Variants in KCNIP4 observed in about 807,000 individuals in gnomAD.
KCNIP4 encodes the protein potassium voltage-gated channel interacting protein 4.
Under a neutral mutation model 34.0 loss-of-function variants are expected in KCNIP4, and 12 were observed. The observed-to-expected ratio is 0.35, with a 90% confidence interval of 0.23 to 0.57. The LOEUF is 0.57. Ranked by LOEUF, KCNIP4 falls within the 20% of genes least tolerant of loss-of-function variation. The pLI is 0.83. For synonymous variants in KCNIP4, 124 were observed against 102.2 expected (o/e 1.21, Z -1.29); for missense variants, 238 against 311.7 (o/e 0.76, Z 1.78).
chr4:21,416,870 G>A (rs1724992773), intron 1 of KCNIP4, among the ~76,000 whole-genome samples: 2 of 152,168 alleles, frequency 1.3e-5, no homozygotes, highest in South Asian at 4.1e-4. Context: ...ACAGAAGACA[G>A]AATCACATGC....
At chr4:20,926,109 T>A (rs187775586) in intron 1 of KCNIP4, among the ~76,000 whole-genome samples, 8 of 152,294 alleles carry the variant, frequency 5.3e-5, no homozygotes, top group Admixed American at 5.2e-4. Flanking sequence ...ATTACCCTTA[T>A]CAGACAGCAA....
rs370076350 is a variant in KCNIP4, at chr4:21,689,787, C to T, written c.61+258784G>A. The stretch of plus-strand genomic sequence containing the variant: ...AAACCTTGGCACAGTACTTCTATGC[C>T]CACCCTGGCCACTGATTCAGTCCTA... On this transcript the variant is annotated intron_variant, in intron 1 of 8. Coordinates refer to ENST00000382152, the MANE Select transcript of KCNIP4 (RefSeq NM_025221.6). 2.3e-3 allele frequency among the ~76,000 whole-genome samples: 344 copies of T among 152,090 alleles called. 21 individuals are homozygous for T. The South Asian group carries it at 0.061, about 27-fold the overall frequency.
At chr4:21,455,549 T>C (rs919055149) in intron 1 of KCNIP4, among the ~76,000 whole-genome samples, 1 of 151,260 alleles carries the variant, frequency 6.6e-6, no homozygotes, top group East Asian at 2.0e-4. Flanking sequence ...GATAAATAGA[T>C]AGATATGTAG....
chr4:21,103,486 C>T (rs1278732384), intron 1 of KCNIP4, among the ~76,000 whole-genome samples: 3 of 149,976 alleles, frequency 2.0e-5, no homozygotes, highest in Non-Finnish European at 4.4e-5. Context: ...CATTATTTTT[C>T]ATATCTAATA....
rs572740775 is a variant in KCNIP4, at chr4:21,543,872, G to A, written c.61+404699C>T. On this transcript the variant is annotated intron_variant, in intron 1 of 8. Coordinates refer to ENST00000382152, the MANE Select transcript of KCNIP4 (RefSeq NM_025221.6). ...CTCTCACACATACTTCATGACTACC[G>A]CATTGTCTACGATGGAATGTTAAAT... is the stretch of plus-strand genomic sequence containing the variant. Among the ~76,000 whole-genome samples the A allele has an allele frequency of 1.8e-3, 281 of 152,026 alleles. 1 individual carries two copies. Among genetic ancestry groups the A allele is most frequent in the Non-Finnish European group, 3.4e-3 (228 of 67,992 alleles).
intron 1 of KCNIP4, among the ~76,000 whole-genome samples, chr4:21,830,505 G>A (rs1258755914): frequency 2.6e-5 from 4 of 151,760 alleles, no homozygotes; most frequent in Non-Finnish European, 4.4e-5. Flanking sequence ...ATGAAACCCC[G>A]TTTCTACTAA....
chr4:21,792,495 C>T (rs1411130236), intron 1 of KCNIP4, among the ~76,000 whole-genome samples: 1 of 152,154 alleles, frequency 6.6e-6, no homozygotes, highest in Non-Finnish European at 1.5e-5. Context: ...AATAATGGAA[C>T]AGATGCTGTG....
intron 1 of KCNIP4, among the ~76,000 whole-genome samples, chr4:21,251,895 GAGTAT>G (rs906035430): frequency 2.4e-4 from 36 of 151,506 alleles, no homozygotes; most frequent in African/African-American, 8.7e-4. Flanking sequence ...ATAGCATTAG[GAGTAT>G]ACCTAATGCT....
intron 1 of KCNIP4, chr4:21,303,997 C>A: frequency 7.7e-7 from 1 of 1,290,468 alleles, no homozygotes; most frequent in Non-Finnish European, 1.0e-6. Context: ...ATTAAGAAGG[C>A]TACTGCTGGA....
chr4:21,104,422 T>A (rs1417929787), intron 1 of KCNIP4, among the ~76,000 whole-genome samples: 1 of 152,114 alleles, frequency 6.6e-6, no homozygotes, highest in African/African-American at 2.4e-5. Context: ...ATATCCTTCA[T>A]CCACTTTTTG....
intron 1 of KCNIP4, among the ~76,000 whole-genome samples, chr4:21,210,703 G>C (rs542092649): frequency 6.4e-4 from 97 of 152,196 alleles, no homozygotes; most frequent in African/African-American, 2.2e-3. Flanking sequence ...TCCACTGAAA[G>C]AGCTATATGT....
intron 1 of KCNIP4, among the ~76,000 whole-genome samples, chr4:21,156,146 T>G (rs955250370): frequency 1.8e-4 from 28 of 152,312 alleles, no homozygotes; most frequent in African/African-American, 6.7e-4. Flanking sequence ...TGTTACAGAC[T>G]ACATAGATTC....
intron 1 of KCNIP4, among the ~76,000 whole-genome samples, chr4:21,923,227 T>A (rs1346421279): frequency 1.3e-5 from 2 of 152,192 alleles, no homozygotes. Flanking sequence ...GCCTGCCCAC[T>A]GGCCTTCAAA....
chr4:21,126,364 G>A (rs1750611553), intron 1 of KCNIP4, among the ~76,000 whole-genome samples: 1 of 152,086 alleles, frequency 6.6e-6, no homozygotes, highest in Non-Finnish European at 1.5e-5. Context: ...TTCACATACA[G>A]TATCTCATCC....
At chr4:21,496,567 A>G (rs917158579) in intron 1 of KCNIP4, among the ~76,000 whole-genome samples, 7 of 152,194 alleles carry the variant, frequency 4.6e-5, no homozygotes, top group African/African-American at 1.7e-4. Flanking sequence ...TCCAAGCTCA[A>G]TCCACTTCAA....
chr4:21,293,206 A>G (rs1763640229), intron 1 of KCNIP4, among the ~76,000 whole-genome samples: 1 of 152,232 alleles, frequency 6.6e-6, no homozygotes. Flanking sequence ...ATATTAATAG[A>G]GCCAGCTACC....
chr4:20,885,088 A>C (rs1725144630), intron 1 of KCNIP4, among the ~76,000 whole-genome samples: 1 of 151,282 alleles, frequency 6.6e-6, no homozygotes, highest in South Asian at 2.1e-4. Context: ...AAGAAGAAAG[A>C]CCTCCTCCCT....
chr4:21,122,051 G>T (rs1166275564), intron 1 of KCNIP4, among the ~76,000 whole-genome samples: 1 of 152,258 alleles, frequency 6.6e-6, no homozygotes, highest in South Asian at 2.1e-4. Context: ...TGGGGACAAA[G>T]TATTAACTCT....
At chr4:21,774,720 T>A (rs1236359575) in intron 1 of KCNIP4, among the ~76,000 whole-genome samples, 1 of 152,186 alleles carries the variant, frequency 6.6e-6, no homozygotes, top group East Asian at 1.9e-4. Context: ...TATCCTTTCC[T>A]CCACTTGATC....
Sources: allele counts gnomAD v4.1 joint callset (sites outside exome capture counted in the v4.1 genomes callset), GRCh38; gene constraint gnomAD v4.1.1; transcripts MANE v1.5; gene names NCBI Gene and HGNC (gene_info 2026-07-23, HGNC 2026-07-21).